The following MAP3K14 variants were observed in gnomAD, a reference collection of about 807,000 sequenced individuals.
The protein encoded by MAP3K14 is mitogen-activated protein kinase kinase kinase 14.
A neutral mutation model predicts 99.2 loss-of-function variants in MAP3K14; 16 were observed. The ratio of observed to expected loss-of-function variants is 0.16; its 90% CI spans 0.11 to 0.24. The LOEUF is 0.24. MAP3K14 is among the 10% of genes least tolerant of loss of function. The pLI, the probability that MAP3K14 is intolerant of heterozygous loss-of-function variation, is 1.00. For missense variants in MAP3K14, 784 were observed against 1,208.7 expected (o/e 0.65, Z 5.21); for synonymous variants, 462 against 492.4 (o/e 0.94, Z 0.82).
At chr17:45,295,363 C>T (rs1332964145) in intron 1 of MAP3K14, among the ~76,000 whole-genome samples, 17 of 152,112 alleles carry the variant, frequency 1.1e-4, no homozygotes, top group Non-Finnish European at 2.9e-5. Context: ...TGAAGGAGCT[C>T]CACATGCTCA....
chr17:45,301,654 A>G (rs1177991582), intron 1 of MAP3K14, among the ~76,000 whole-genome samples: 1 of 152,178 alleles, frequency 6.6e-6, no homozygotes, highest in Non-Finnish European at 1.5e-5. Flanking sequence ...CATATCTAAA[A>G]TACGACCCTA....
In MAP3K14 at chr17:45,274,471, C is replaced by T. The variant is rs2044164016; in HGVS notation, c.1413G>A (p.Leu471=). 2 of 1,613,686 alleles carry T rather than the reference C, an allele frequency of 1.2e-6. No individual in the cohort carries two copies. Among genetic ancestry groups the T allele is most frequent in the African/African-American group, 1.3e-5 (1 of 74,932 alleles). ...EGPWVNIFME[L]LEGGSLGQLV... ...TGGGACCTGGCTCCTTACCTTCCAG[C>T]AGCTCCATGAAGATGTTGACCCAAG... The change falls in exon 7 of 16, where the codon CTG becomes CTA. Residue 471 remains leucine (L), a synonymous_variant. Transcript: ENST00000344686.
chr17:45,290,868 G>C (rs1431373714), intron 1 of MAP3K14, 103 bp from the exon 2 acceptor site: 5 of 1,119,598 alleles, frequency 4.5e-6, no homozygotes, highest in Non-Finnish European at 6.4e-6. Context: ...AAGGGTCTCT[G>C]CCTGTTTATG....
intron 1 of MAP3K14, 141 bp downstream of exon 1, chr17:45,316,819 A>G (rs1000675218): frequency 6.6e-6 from 1 of 151,800 alleles, no homozygotes; most frequent in Admixed American, 6.6e-5. Context: ...GGTACGTCGG[A>G]CTGCGCTGGC....
At chr17:45,278,154 T>C (rs2044193858) in intron 6 of MAP3K14, among the ~76,000 whole-genome samples, 2 of 152,216 alleles carry the variant, frequency 1.3e-5, no homozygotes, top group African/African-American at 4.8e-5. Flanking sequence ...CCAAAAGAGT[T>C]GGGGAAACTT....
chr17:45,306,203 T>C (rs1405320608), intron 1 of MAP3K14, among the ~76,000 whole-genome samples: 2 of 152,174 alleles, frequency 1.3e-5, no homozygotes, highest in African/African-American at 2.4e-5. Context: ...TGGGCCTCAG[T>C]AGGCCAAGTA....
At chr17:45,279,443 T>TC (rs1206067106) in intron 6 of MAP3K14, among the ~76,000 whole-genome samples, 1 of 151,144 alleles carries the variant, frequency 6.6e-6, no homozygotes, top group Non-Finnish European at 1.5e-5. Context: ...GGTATTCTTT[T>TC]TTTTTTTGAG....
At chr17:45,268,987 C>T (rs1231929825) in intron 11 of MAP3K14, among the ~76,000 whole-genome samples, 1 of 152,050 alleles carries the variant, frequency 6.6e-6, no homozygotes, top group East Asian at 1.9e-4. Flanking sequence ...CTGCTTTTTT[C>T]CAGTCAAATG....
At chr17:45,282,398 A>T (rs894090240) in intron 6 of MAP3K14, among the ~76,000 whole-genome samples, 1 of 152,040 alleles carries the variant, frequency 6.6e-6, no homozygotes, top group Non-Finnish European at 1.5e-5. Flanking sequence ...TCTACAAAAA[A>T]TAAAAAATTA....
At chr17:45,268,956 G>A (rs1270910416) in intron 11 of MAP3K14, among the ~76,000 whole-genome samples, 3 of 152,108 alleles carry the variant, frequency 2.0e-5, no homozygotes, top group Non-Finnish European at 4.4e-5. Context: ...GGTCCCAACA[G>A]CCCTACATCC....
At chr17:45,290,814 G>A in intron 1 of MAP3K14, 49 bp from the exon 2 acceptor site, 2 of 1,573,642 alleles carry the variant, frequency 1.3e-6, no homozygotes, top group Non-Finnish European at 8.7e-7. Flanking sequence ...CCAGACCTGG[G>A]AGAACACAGG....
At chr17:45,311,850 T>G (rs1315861417) in intron 1 of MAP3K14, among the ~76,000 whole-genome samples, 1 of 152,104 alleles carries the variant, frequency 6.6e-6, no homozygotes, top group Non-Finnish European at 1.5e-5. Flanking sequence ...GGGCCAAAGC[T>G]CCCCTCCTGC....
rs879940777 is a variant in MAP3K14, at chr17:45,276,804, T to C, written c.1291-2211A>G. ...CTGGGATTACAGGCGTGAGCCACTG[T>C]GCCCGGCCTCTTAGACTTCTTTTTT... On this transcript the variant is annotated intron_variant, in intron 6 of 15. Coordinates refer to ENST00000344686, the MANE Select transcript of MAP3K14 (RefSeq NM_003954.5). 2.5e-3 allele frequency among the ~76,000 whole-genome samples: 300 copies of C among 119,914 alleles called. No homozygotes were observed. The Middle Eastern group carries it at 0.035, about 14-fold the overall frequency. 78.7% of individuals were successfully genotyped at this position (119,914 alleles called of 152,430 possible).
chr17:45,305,393 G>A (rs2044423139), intron 1 of MAP3K14, among the ~76,000 whole-genome samples: 1 of 140,552 alleles, frequency 7.1e-6, no homozygotes, highest in Admixed American at 7.2e-5. Flanking sequence ...ACAGCGCCCG[G>A]CCGTTTTTTT....
chr17:45,282,819 T>C (rs578114673), intron 6 of MAP3K14, among the ~76,000 whole-genome samples: 1 of 152,282 alleles, frequency 6.6e-6, no homozygotes, highest in Non-Finnish European at 1.5e-5. Context: ...CAGGGAACTG[T>C]TTCTCCTGCT....
At chr17:45,302,466 C>G (rs2044397442) in intron 1 of MAP3K14, among the ~76,000 whole-genome samples, 1 of 152,088 alleles carries the variant, frequency 6.6e-6, no homozygotes, top group Non-Finnish European at 1.5e-5. Context: ...TGCCACCACA[C>G]CCGGCTAATT....
In MAP3K14 at chr17:45,264,456, T is replaced by G; in HGVS notation, c.*180A>C. On this transcript the variant is annotated 3_prime_UTR_variant, in exon 16 of 16. Coordinates refer to ENST00000344686, the MANE Select transcript of MAP3K14 (RefSeq NM_003954.5). ...TCAGCAGGGTGGGGCAGGGCTCAGGTGTGAAATCCTGGGAGGCATTCTGCT... is the reference window on the plus strand; with the variant it reads ...TCAGCAGGGTGGGGCAGGGCTCAGGGGTGAAATCCTGGGAGGCATTCTGCT... The G allele has an allele frequency of 1.5e-6, 1 of 674,460 alleles. No homozygotes were observed. The highest frequency in any genetic ancestry group is 2.4e-6 in the Non-Finnish European group (1 of 413,238). The allele number at this position is 674,460 out of a possible 1,614,324, so 41.8% of individuals were successfully genotyped here. A position where few individuals can be genotyped will look rare whatever the true frequency, so the allele number is the denominator to read the frequency against.
rs2044262804 is a variant in MAP3K14, at chr17:45,286,186, T to A, written c.1152+245A>T. ...TTCCCCTTGTCCTCAGCATGTGTACTATTAATGCAGTGCCCACATTCAGCA... is the reference window on the plus strand; with the variant it reads ...TTCCCCTTGTCCTCAGCATGTGTACAATTAATGCAGTGCCCACATTCAGCA... On this transcript the variant is annotated intron_variant, in intron 5 of 15. Transcript: ENST00000344686. This position sits in a 1 kb window ranked among gnomAD's most constrained non-coding sequence, Gnocchi z 4.1. Among the ~76,000 whole-genome samples, 1 of 152,158 alleles carries A rather than the reference T, an allele frequency of 6.6e-6. No individual in the cohort carries two copies.
At chr17:45,305,203 T>C (rs893483151) in intron 1 of MAP3K14, among the ~76,000 whole-genome samples, 4 of 152,064 alleles carry the variant, frequency 2.6e-5, no homozygotes, top group South Asian at 4.2e-4. Context: ...GTTTACACCA[T>C]TCTCCAGCCT....
Sources: allele counts gnomAD v4.1 joint callset (sites outside exome capture counted in the v4.1 genomes callset), GRCh38; gene constraint gnomAD v4.1.1; non-coding constraint Gnocchi (gnomAD v3.1); transcripts MANE v1.5; gene names NCBI Gene and HGNC (gene_info 2026-07-23, HGNC 2026-07-21).